SPATA6: variants seen among roughly 807,000 people sequenced by gnomAD.
SPATA6 encodes the protein spermatogenesis-associated protein 6.
Under a neutral mutation model 65.3 loss-of-function variants are expected in SPATA6, and 56 were observed. That is an observed-to-expected ratio of 0.86 (90% confidence interval 0.69 to 1.07). The LOEUF is 1.07. Among genes scored for constraint, SPATA6 ranks in the 50% least tolerant of loss-of-function variants. The pLI is 0.00. For missense variants in SPATA6, 590 were observed against 594.8 expected (o/e 0.99, Z 0.08); for synonymous variants, 199 against 213.2 (o/e 0.93, Z 0.58).
rs548041017 is a variant in SPATA6, at chr1:48,358,817, C to T, written c.1094+769G>A. On this transcript the variant is annotated intron_variant, in intron 10 of 12. Coordinates refer to ENST00000371847, the MANE Select transcript of SPATA6 (RefSeq NM_019073.4). ...AGGATTAGGGTCTACAACATGCCTC[C>T]ATATATCCACTATGAATACTTTCAA... 2.8e-4 allele frequency among the ~76,000 whole-genome samples: 43 copies of T among 152,214 alleles called. No homozygotes were observed. The South Asian group carries it at 4.6e-3, about 16-fold the overall frequency.
intron 9 of SPATA6, among the ~76,000 whole-genome samples, chr1:48,376,962 T>C (rs954028963): frequency 1.3e-5 from 2 of 152,146 alleles, no homozygotes; most frequent in African/African-American, 2.4e-5. Flanking sequence ...ATATTTGTGG[T>C]CCATCGCTGA....
At chr1:48,287,490 G>A in the SPATA6 span, among the ~76,000 whole-genome samples, 1 of 152,170 alleles carries the variant, frequency 6.6e-6, no homozygotes, top group African/African-American at 2.4e-5. Flanking sequence ...AGAAGTAATT[G>A]GGTCATGGGG....
At chr1:48,342,738 C>T (rs1475619331) in intron 11 of SPATA6, among the ~76,000 whole-genome samples, 2 of 151,936 alleles carry the variant, frequency 1.3e-5, no homozygotes, top group African/African-American at 4.8e-5. Context: ...GCACCAGAGA[C>T]AATTCTAGGG....
At chr1:48,283,678 CAA>C in the SPATA6 span, among the ~76,000 whole-genome samples, 5 of 60,840 alleles carry the variant, frequency 8.2e-5, no homozygotes, top group African/African-American at 3.0e-4. Context: ...GACTCCGTCT[CAA>C]AAAAAAAAAA....
downstream of SPATA6, among the ~76,000 whole-genome samples, chr1:48,291,406 TG>T (rs768091496): frequency 6.9e-4 from 105 of 152,278 alleles, 1 homozygote; most frequent in Admixed American, 2.6e-3. Context: ...TTGCTGCAGC[TG>T]CTGTGGGGGA....
At position 48,447,389 on chromosome 1, in the gene SPATA6, C is replaced by T. The variant is rs193116277; in HGVS notation, c.238+4163G>A. Among the ~76,000 whole-genome samples, 13 of 152,144 alleles carry T rather than the reference C, an allele frequency of 8.5e-5. No homozygotes were observed. The East Asian group carries it at 1.4e-3, about 16-fold the overall frequency. On this transcript the variant is annotated intron_variant, in intron 3 of 12. Transcript: ENST00000371847. ...CAAAAATTAGCCGGGCATGGTGTCA[C>T]GCACCTGTAGTCCCAGCCACTCAGG...
At chr1:48,293,059 A>G (rs1272617659), downstream of SPATA6, among the ~76,000 whole-genome samples, 2 of 152,144 alleles carry the variant, frequency 1.3e-5, no homozygotes, top group African/African-American at 4.8e-5. Context: ...TCATCTGAAG[A>G]CCAGGCCGCT....
chr1:48,328,575 T>G (rs72891580), intron 11 of SPATA6, among the ~76,000 whole-genome samples: 2,960 of 152,204 alleles, frequency 0.019, 76 homozygotes, highest in African/African-American at 0.067. Flanking sequence ...GAATTGGACT[T>G]GTTGCTGCTT....
chr1:48,348,142 A>C (rs1646421409), intron 11 of SPATA6, among the ~76,000 whole-genome samples: 1 of 152,026 alleles, frequency 6.6e-6, no homozygotes, highest in Non-Finnish European at 1.5e-5. Flanking sequence ...CTGGGTGATT[A>C]CAATTTCTCC....
At chr1:48,396,846 G>T (rs1420786113) in intron 7 of SPATA6, among the ~76,000 whole-genome samples, 1 of 151,342 alleles carries the variant, frequency 6.6e-6, no homozygotes, top group East Asian at 1.9e-4. Flanking sequence ...ATAGATGGTG[G>T]TATGGTTGTA....
intron 9 of SPATA6, among the ~76,000 whole-genome samples, chr1:48,384,172 A>C (rs1649148613): frequency 6.8e-6 from 1 of 147,610 alleles, no homozygotes; most frequent in African/African-American, 2.5e-5. Context: ...CGTCTCCACC[A>C]AAAAAAAACG....
chr1:48,462,467 T>C (rs1322682380), intron 1 of SPATA6, among the ~76,000 whole-genome samples: 9 of 152,112 alleles, frequency 5.9e-5, no homozygotes, highest in Non-Finnish European at 1.2e-4. Context: ...AATCCACAGC[T>C]CTATACATCA....
intron 9 of SPATA6, among the ~76,000 whole-genome samples, chr1:48,378,961 G>A (rs1302589556): frequency 2.6e-5 from 4 of 152,076 alleles, no homozygotes; most frequent in Admixed American, 2.0e-4. Context: ...ACATAAACCT[G>A]GAAGACATAA....
At chr1:48,399,313 G>C (rs752644916) in intron 7 of SPATA6, 38 bp downstream of exon 7, 1 of 1,568,980 alleles carries the variant, frequency 6.4e-7, no homozygotes, top group Non-Finnish European at 8.6e-7. Context: ...GAAAAAAGCT[G>C]ATCAGTTTCA....
chr1:48,277,565 T>A, the SPATA6 span, among the ~76,000 whole-genome samples: 2 of 151,842 alleles, frequency 1.3e-5, no homozygotes, highest in Admixed American at 1.3e-4. Flanking sequence ...GCCCACAGAG[T>A]CTCACTGATT....
intron 1 of SPATA6, among the ~76,000 whole-genome samples, chr1:48,460,410 T>C (rs538807656): frequency 1.2e-4 from 18 of 152,246 alleles, no homozygotes; most frequent in African/African-American, 4.3e-4. Context: ...GGAAATTTCC[T>C]CAACTGAAAA....
intron 1 of SPATA6, among the ~76,000 whole-genome samples, chr1:48,456,187 C>T (rs1430104539): frequency 3.3e-5 from 5 of 152,198 alleles, no homozygotes; most frequent in Admixed American, 2.6e-4. Context: ...CCAACATATA[C>T]ACAGAGAACC....
At chr1:48,364,047 T>C (rs993673084) in intron 9 of SPATA6, among the ~76,000 whole-genome samples, 11 of 151,658 alleles carry the variant, frequency 7.3e-5, no homozygotes, top group Non-Finnish European at 1.0e-4. Context: ...TGAGAACATG[T>C]GGTGTTTGGT....
chr1:48,289,211 G>A, the SPATA6 span, among the ~76,000 whole-genome samples: 2 of 152,198 alleles, frequency 1.3e-5, no homozygotes, highest in Non-Finnish European at 2.9e-5. Context: ...TGCAGCCTCC[G>A]CTGGTGATAC....
Sources: allele counts gnomAD v4.1 joint callset (sites outside exome capture counted in the v4.1 genomes callset), GRCh38; gene constraint gnomAD v4.1.1; transcripts MANE v1.5; gene names NCBI Gene and HGNC (gene_info 2026-07-23, HGNC 2026-07-21).